The following SESTD1 variants were observed in gnomAD, a reference collection of about 807,000 sequenced individuals.
SESTD1 encodes SEC14 domain and spectrin repeat-containing protein 1.
A neutral mutation model predicts 101.7 loss-of-function variants in SESTD1; 43 were observed. The observed-to-expected ratio is 0.42, with a 90% CI of 0.33 to 0.55. The LOEUF (loss-of-function observed/expected upper bound fraction) is 0.55, where lower values mean the gene tolerates loss of function less well. Among genes scored for constraint, SESTD1 ranks in the 20% least tolerant of loss-of-function variants. The pLI is 0.07. For synonymous variants in SESTD1, 283 were observed against 286.8 expected, an observed-to-expected ratio of 0.99 and a Z score of 0.13; for missense variants, 647 against 815.1, an observed-to-expected ratio of 0.79 and a Z score of 2.51.
intron 1 of SESTD1, among the ~76,000 whole-genome samples, chr2:179,244,732 A>C (rs1559159711): frequency 6.6e-6 from 1 of 152,236 alleles, no homozygotes; most frequent in African/African-American, 2.4e-5. Flanking sequence ...GAACAAACAA[A>C]AAAAGGTAGT....
intron 2 of SESTD1, among the ~76,000 whole-genome samples, chr2:179,188,825 T>C (rs1257692434): frequency 6.6e-6 from 1 of 152,114 alleles, no homozygotes; most frequent in Non-Finnish European, 1.5e-5. Context: ...CTAGAAACTC[T>C]AGAGAAATGG....
At chr2:179,134,885 A>C (rs368082085) in intron 9 of SESTD1, among the ~76,000 whole-genome samples, 49 of 152,322 alleles carry the variant, frequency 3.2e-4, no homozygotes, top group African/African-American at 1.0e-3. Flanking sequence ...CCACCAATTA[A>C]TGATAGTTTG....
chr2:179,108,704 ATTT>A lies in SESTD1; in HGVS notation c.*1192_*1194del, dbSNP rs1182240756. The A allele has an allele frequency of 6.6e-6, 1 of 152,084 alleles. No individual in the cohort carries two copies. 9.4% of individuals were successfully genotyped at this position (152,084 alleles called of 1,614,324 possible). On this transcript the variant is annotated 3_prime_UTR_variant, in exon 18 of 18. Transcript: ENST00000428443. ...GTAATGACTACAAGACTAAAAAATA[ATTT>A]TTAATATTTTAAAAAATGTTCTGAA...
chr2:179,193,942 T>A (rs1290718339), intron 1 of SESTD1, among the ~76,000 whole-genome samples: 1 of 152,210 alleles, frequency 6.6e-6, no homozygotes, highest in Non-Finnish European at 1.5e-5. Flanking sequence ...GCAACTCTTT[T>A]AAATGGTCTG....
At chr2:179,122,143 C>T (rs772086974) in intron 12 of SESTD1, among the ~76,000 whole-genome samples, 21 of 152,134 alleles carry the variant, frequency 1.4e-4, no homozygotes, top group Non-Finnish European at 2.6e-4. Context: ...CTCTCTCATG[C>T]CAAATTCTCC....
chr2:179,158,732 C>T (rs2045676753), intron 5 of SESTD1, among the ~76,000 whole-genome samples: 1 of 152,106 alleles, frequency 6.6e-6, no homozygotes, highest in African/African-American at 2.4e-5. Flanking sequence ...TATTATAAAA[C>T]ATTTTATACA....
chr2:179,195,113 A>C (rs772482426), intron 1 of SESTD1, among the ~76,000 whole-genome samples: 1 of 152,214 alleles, frequency 6.6e-6, no homozygotes, highest in Non-Finnish European at 1.5e-5. Context: ...TTCTCCAAGT[A>C]AGTGTTCTTG....
intron 3 of SESTD1, among the ~76,000 whole-genome samples, chr2:179,180,353 TCTC>T (rs1214063673): frequency 2.0e-5 from 3 of 152,104 alleles, no homozygotes; most frequent in Admixed American, 1.3e-4. Flanking sequence ...ATTTTGGACA[TCTC>T]CTATTAGGAA....
chr2:179,206,683 G>A (rs2046594886), intron 1 of SESTD1, among the ~76,000 whole-genome samples: 1 of 135,108 alleles, frequency 7.4e-6, no homozygotes, highest in Admixed American at 7.2e-5. Context: ...CCAGGGAGTA[G>A]GGGGCAAATG....
intron 8 of SESTD1, 112 bp from the exon 9 acceptor site, chr2:179,143,915 T>A: frequency 9.6e-7 from 1 of 1,039,668 alleles, no homozygotes; most frequent in Non-Finnish European, 1.4e-6. Context: ...CCTACATATC[T>A]ACCAGGTTAT....
intron 5 of SESTD1, among the ~76,000 whole-genome samples, chr2:179,152,264 G>C (rs1042200267): frequency 2.0e-5 from 3 of 152,142 alleles, no homozygotes; most frequent in Non-Finnish European, 4.4e-5. Context: ...TCCTAAGAAA[G>C]CTGAGGTTAC....
At chr2:179,237,618 G>A (rs1351414958) in intron 1 of SESTD1, among the ~76,000 whole-genome samples, 1 of 152,106 alleles carries the variant, frequency 6.6e-6, no homozygotes, top group South Asian at 2.1e-4. Context: ...TTTTTAAAAA[G>A]ATTTATTTTC....
chr2:179,224,208 T>C (rs1381521186), intron 1 of SESTD1, among the ~76,000 whole-genome samples: 1 of 152,198 alleles, frequency 6.6e-6, no homozygotes, highest in Non-Finnish European at 1.5e-5. Context: ...CTAACATTAT[T>C]GAGCATGTTT....
intron 1 of SESTD1, among the ~76,000 whole-genome samples, chr2:179,197,022 G>A (rs1195050190): frequency 6.6e-6 from 1 of 152,084 alleles, no homozygotes; most frequent in Non-Finnish European, 1.5e-5. Flanking sequence ...ACCTACGGGA[G>A]GACATGCAAA....
chr2:179,118,177 T>C (rs891136783), intron 13 of SESTD1, among the ~76,000 whole-genome samples: 1 of 152,156 alleles, frequency 6.6e-6, no homozygotes, highest in Non-Finnish European at 1.5e-5. Context: ...TATATTATAG[T>C]ACCTAAAATA....
chr2:179,167,368 G>A (rs756441122), intron 5 of SESTD1, among the ~76,000 whole-genome samples: 20 of 151,990 alleles, frequency 1.3e-4, no homozygotes, highest in Non-Finnish European at 2.6e-4. Context: ...AAATAAAACA[G>A]GAGACCAAAG....
chr2:179,220,052 T>C (rs2046790878), intron 1 of SESTD1, among the ~76,000 whole-genome samples: 1 of 152,110 alleles, frequency 6.6e-6, no homozygotes, highest in Non-Finnish European at 1.5e-5. Context: ...AAAATCTACA[T>C]TAAGAAGTCT....
At chr2:179,151,243 T>G (rs376669039) in intron 6 of SESTD1, 35 bp downstream of exon 6, 2 of 1,291,078 alleles carry the variant, frequency 1.5e-6, no homozygotes, top group East Asian at 5.0e-5. Flanking sequence ...CTTATTTCTA[T>G]GCAATAACAT....
intron 1 of SESTD1, among the ~76,000 whole-genome samples, chr2:179,232,617 CCA>C (rs1296091181): frequency 1.3e-5 from 2 of 152,038 alleles, no homozygotes; most frequent in African/African-American, 4.8e-5. Flanking sequence ...ACCTGAATGT[CCA>C]CAAATGGGAA....
Sources: allele counts gnomAD v4.1 joint callset (sites outside exome capture counted in the v4.1 genomes callset), GRCh38; gene constraint gnomAD v4.1.1; transcripts MANE v1.5; gene names NCBI Gene and HGNC (gene_info 2026-07-23, HGNC 2026-07-21).